The following IQSEC1 variants were observed in gnomAD, a reference collection of about 807,000 sequenced individuals.
The protein encoded by IQSEC1 is IQ motif and Sec7 domain ArfGEF 1, also known as IQ motif and SEC7 domain-containing protein 1.
A neutral mutation model predicts 91.0 loss-of-function variants in IQSEC1; 31 were observed. The ratio of observed to expected loss-of-function variants is 0.34; its 90% CI spans 0.26 to 0.46. The LOEUF is 0.46. IQSEC1 is among the 20% of genes least tolerant of loss of function. The probability of loss-of-function intolerance (pLI) is 1.00; values close to 1 mark genes in which losing one functional copy is unlikely to be tolerated. For missense variants in IQSEC1, 1,388 were observed against 1,575.6 expected (o/e 0.88, Z 2.02); for synonymous variants, 699 against 662.6 (o/e 1.05, Z -0.84).
intron 2 of IQSEC1, among the ~76,000 whole-genome samples, chr3:13,110,213 T>C (rs1706220322): frequency 6.6e-6 from 1 of 152,086 alleles, no homozygotes; most frequent in South Asian, 2.1e-4. Flanking sequence ...ATGAAGTGCT[T>C]AGAATGGTGC....
At chr3:13,174,835 C>A (rs1037714673) in intron 1 of IQSEC1, among the ~76,000 whole-genome samples, 1 of 128,550 alleles carries the variant, frequency 7.8e-6, no homozygotes, top group Non-Finnish European at 1.7e-5. Context: ...CTTTCTGCTC[C>A]CCCCCCCCAC....
At chr3:13,172,110 C>G (rs1273327638) in intron 1 of IQSEC1, among the ~76,000 whole-genome samples, 2 of 152,246 alleles carry the variant, frequency 1.3e-5, no homozygotes, top group East Asian at 3.9e-4. Context: ...GAAGCCGTGT[C>G]TACGGGCAGG....
chr3:13,266,077 G>T (rs1695485001), intron 1 of IQSEC1, among the ~76,000 whole-genome samples: 1 of 151,844 alleles, frequency 6.6e-6, no homozygotes, highest in Admixed American at 6.6e-5. Flanking sequence ...TGGAGCGAGT[G>T]CTCCCACACC....
At chr3:13,084,830 C>T (rs1039432397) in intron 2 of IQSEC1, among the ~76,000 whole-genome samples, 1 of 152,204 alleles carries the variant, frequency 6.6e-6, no homozygotes, top group Non-Finnish European at 1.5e-5. Context: ...CCTGCTCAGA[C>T]CCTGTCTGGG....
intron 1 of IQSEC1, among the ~76,000 whole-genome samples, chr3:13,270,796 ATAATT>A (rs1363460289): frequency 2.6e-5 from 4 of 152,256 alleles, no homozygotes; most frequent in Non-Finnish European, 4.4e-5. Context: ...CACCTTATCA[ATAATT>A]ATATTAAATG....
At chr3:12,932,080 A>G (rs1697724980) in intron 3 of IQSEC1, among the ~76,000 whole-genome samples, 1 of 152,212 alleles carries the variant, frequency 6.6e-6, no homozygotes, top group Non-Finnish European at 1.5e-5. Flanking sequence ...ACCTGGGCTC[A>G]TTCCAGGGAG....
chr3:13,196,473 A>G (rs1030643845), intron 1 of IQSEC1, among the ~76,000 whole-genome samples: 2 of 152,216 alleles, frequency 1.3e-5, no homozygotes, highest in African/African-American at 4.8e-5. Flanking sequence ...CGAGGGCTCA[A>G]TGTGGCTTCC....
chr3:13,214,690 G>T lies in IQSEC1; in HGVS notation c.273-50557C>A, dbSNP rs144571468. On this transcript the variant is annotated intron_variant, in intron 1 of 15. Coordinates refer to the IQSEC1 transcript ENST00000648114. The surrounding 1 kb of genome is among the most constrained non-coding windows in gnomAD (Gnocchi z 4.5). ...AAGGGGCCACTGTGGCACACGAGCT[G>T]GTGTCCGGTGGAGCACGGTCTCCAG... Among the ~76,000 whole-genome samples, 3,081 of 152,340 alleles carry T rather than the reference G, an allele frequency of 0.02. 42 individuals are homozygous for T. The highest frequency in any genetic ancestry group is 0.03 in the Non-Finnish European group (2,010 of 68,022).
At chr3:13,038,264 A>G (rs397832254) in intron 1 of IQSEC1, among the ~76,000 whole-genome samples, 1,509 of 30,496 alleles carry the variant, frequency 0.049, 16 homozygotes, top group African/African-American at 0.14. Flanking sequence ...GTGTGTGTGT[A>G]TATATATATA....
chr3:13,271,886 G>A (rs1357307412), intron 1 of IQSEC1, among the ~76,000 whole-genome samples: 1 of 152,164 alleles, frequency 6.6e-6, no homozygotes. Context: ...AAACAGAGCA[G>A]GTAGGCAGAC....
At chr3:12,989,234 G>A (rs754718916) in intron 1 of IQSEC1, among the ~76,000 whole-genome samples, 38 of 152,232 alleles carry the variant, frequency 2.5e-4, no homozygotes, top group Non-Finnish European at 4.7e-4. Context: ...TGCTCCAGTG[G>A]TAACCCCAGC....
At chr3:13,206,208 C>CCCATCCACCCCTCCATCCAT (rs1694342403) in intron 1 of IQSEC1, among the ~76,000 whole-genome samples, 1 of 151,972 alleles carries the variant, frequency 6.6e-6, no homozygotes, top group Non-Finnish European at 1.5e-5. Flanking sequence ...CCTCCATCCA[C>CCCATCCACCCCTCCATCCAT]CCATCTTATG....
At chr3:12,902,460 G>A (rs1694427216) in intron 13 of IQSEC1, among the ~76,000 whole-genome samples, 1 of 151,974 alleles carries the variant, frequency 6.6e-6, no homozygotes. Flanking sequence ...GACCACAGGT[G>A]ATGGGGTTAA....
At chr3:13,242,028 T>C (rs1309302020) in intron 1 of IQSEC1, among the ~76,000 whole-genome samples, 1 of 151,354 alleles carries the variant, frequency 6.6e-6, no homozygotes, top group South Asian at 2.2e-4. Context: ...CATACACACA[T>C]GTGTGTATGT....
At chr3:12,915,489 TG>T in intron 7 of IQSEC1, 104 bp downstream of exon 7, 2 of 1,288,778 alleles carry the variant, frequency 1.6e-6, no homozygotes, top group South Asian at 2.7e-5. Context: ...CCAGCCCTGC[TG>T]GAAGAGACCA....
At chr3:12,915,246 T>C (rs1260634640) in intron 7 of IQSEC1, 113 bp from the exon 8 acceptor site, 8 of 1,198,290 alleles carry the variant, frequency 6.7e-6, no homozygotes, top group East Asian at 2.6e-5. Context: ...CCAGCCAGTA[T>C]GTGGGGTACC....
intron 1 of IQSEC1, among the ~76,000 whole-genome samples, chr3:13,237,217 G>A (rs1467189054): frequency 6.6e-6 from 1 of 152,238 alleles, no homozygotes; most frequent in Non-Finnish European, 1.5e-5. Context: ...GGCCATGGAA[G>A]AGCCCTTTCT....
In IQSEC1 at chr3:13,072,984, A is replaced by G. The variant is rs1411326589; in HGVS notation, c.23+8T>C. 1 of 1,551,300 alleles carries G rather than the reference A, an allele frequency of 6.4e-7. No homozygotes were observed. The highest frequency in any genetic ancestry group is 8.7e-7 in the Non-Finnish European group (1 of 1,146,764). The stretch of plus-strand genomic sequence containing the variant: ...GGCTTCAGGCAGAAACCTGCCACAT[A>G]TACTCACAAATAGCGTCTTCTGCAA... On this transcript the variant is annotated splice_region_variant and intron_variant, in intron 1 of 13. Coordinates refer to ENST00000613206, the MANE Select transcript of IQSEC1 (RefSeq NM_001134382.3).
chr3:13,155,171 G>A (rs60720834), intron 2 of IQSEC1, among the ~76,000 whole-genome samples: 2,195 of 152,126 alleles, frequency 0.014, 51 homozygotes, highest in African/African-American at 0.051. Context: ...AATAATAACA[G>A]TAAACAAATA....
Sources: allele counts gnomAD v4.1 joint callset (sites outside exome capture counted in the v4.1 genomes callset), GRCh38; gene constraint gnomAD v4.1.1; non-coding constraint Gnocchi (gnomAD v3.1); transcripts MANE v1.5; gene names NCBI Gene and HGNC (gene_info 2026-07-23, HGNC 2026-07-21).